Variants in SLC18A1 observed in about 807,000 individuals in gnomAD.
SLC18A1 encodes the protein solute carrier family 18 member A1, also known as chromaffin granule amine transporter.
Under a neutral mutation model 53.7 loss-of-function variants are expected in SLC18A1, and 69 were observed. That is an observed-to-expected ratio of 1.28 (90% CI 1.06 to 1.57). The LOEUF is 1.57. Ranked by LOEUF, SLC18A1 falls within the 40% of genes most tolerant of loss-of-function variation. The probability of loss-of-function intolerance (pLI) is 0.00; values close to 1 mark genes in which losing one functional copy is unlikely to be tolerated. For synonymous variants in SLC18A1, 320 were observed against 248.1 expected, an observed-to-expected ratio of 1.29 and a Z score of -2.72; for missense variants, 932 against 668.1, an observed-to-expected ratio of 1.40 and a Z score of -4.35.
rs747543977 is a variant in SLC18A1 at position 20,145,782 on chromosome 8, T to C, written c.1559A>G (p.Glu520Gly). 7 of 1,609,210 alleles carry C rather than the reference T, an allele frequency of 4.3e-6. No individual in the cohort carries two copies. Among genetic ancestry groups the C allele is most frequent in the Non-Finnish European group, 5.1e-6 (6 of 1,177,598 alleles). The change falls in exon 16 of 16, where the codon GAG becomes GGG. Residue 520 changes from glutamate to glycine, a missense_variant. Physicochemically the swap from Glu to Gly is moderately conservative, Grantham distance 98 (BLOSUM62 -2). Coordinates refer to ENST00000276373, the MANE Select transcript of SLC18A1 (RefSeq NM_003053.4). ...EFPLGEDSDE[E>G]PDHEE is the part of the protein sequence containing the mutation. Reference sequence around the variant, plus strand: ...CTGCTGCTACTCCTCATGGTCAGGCTCCTCATCACTGTCCTCCCCCAGAGG... The same window carrying C: ...CTGCTGCTACTCCTCATGGTCAGGCCCCTCATCACTGTCCTCCCCCAGAGG...
At chr8:20,166,634 A>G (rs1017940849) in intron 8 of SLC18A1, among the ~76,000 whole-genome samples, 10 of 151,802 alleles carry the variant, frequency 6.6e-5, no homozygotes, top group African/African-American at 2.4e-4. Context: ...ACCTTTTGGA[A>G]TAATTTTGAC....
At chr8:20,168,231 G>A (rs1428017880) in intron 8 of SLC18A1, among the ~76,000 whole-genome samples, 1 of 151,930 alleles carries the variant, frequency 6.6e-6, no homozygotes, top group Non-Finnish European at 1.5e-5. Context: ...GCTGGGTGTG[G>A]TGGCATGCCT....
Position 20,179,441 on chromosome 8 carries a change from T to C in SLC18A1, c.168A>G (p.Glu56=). ...GGCCGAGGTGCAGAGAAGAGTTGAC[T>C]TCTTTGAACTCCATGTCATATAGGA... ...PTFLYDMEFK[E]VNSSLHLGHA... The change falls in exon 3 of 16, where the codon GAA becomes GAG. Residue 56 remains glutamate, a synonymous_variant. Transcript: ENST00000276373. 1.2e-6 allele frequency: 2 copies of C among 1,613,766 alleles called. No homozygotes were observed. Among genetic ancestry groups the C allele is most frequent in the Non-Finnish European group, 1.7e-6 (2 of 1,179,964 alleles).
chr8:20,159,211 C>T (rs759300262), intron 10 of SLC18A1, among the ~76,000 whole-genome samples: 17 of 152,168 alleles, frequency 1.1e-4, no homozygotes, highest in Non-Finnish European at 5.9e-5. Flanking sequence ...AACTGCATGA[C>T]CCCTACTATG....
chr8:20,155,273 T>A (rs1263795450), intron 10 of SLC18A1, among the ~76,000 whole-genome samples: 1 of 152,216 alleles, frequency 6.6e-6, no homozygotes, highest in Non-Finnish European at 1.5e-5. Context: ...GGATCACTTT[T>A]GCTTGCTATT....
intron 4 of SLC18A1, among the ~76,000 whole-genome samples, chr8:20,176,537 T>C (rs562633292): frequency 3.4e-4 from 52 of 152,160 alleles, no homozygotes; most frequent in Non-Finnish European, 5.9e-4. Context: ...AAGCAATTAT[T>C]TTTTTCACTT....
intron 8 of SLC18A1, among the ~76,000 whole-genome samples, chr8:20,165,469 G>A (rs930539616): frequency 1.3e-5 from 2 of 152,230 alleles, no homozygotes; most frequent in South Asian, 2.1e-4. Context: ...AGATCTCCCT[G>A]GTACTAATAT....
chr8:20,167,251 A>G (rs2071992052), intron 8 of SLC18A1, among the ~76,000 whole-genome samples: 1 of 152,154 alleles, frequency 6.6e-6, no homozygotes. Context: ...TAGATACAGT[A>G]TTTGGCTATA....
intron 10 of SLC18A1, chr8:20,151,025 G>A: frequency 2.6e-6 from 1 of 388,656 alleles, no homozygotes; most frequent in Non-Finnish European, 4.8e-6. Context: ...AGGCTGGAGT[G>A]CAGTGGTACA....
intron 2 of SLC18A1, among the ~76,000 whole-genome samples, chr8:20,179,953 C>T (rs1411892986): frequency 6.6e-6 from 1 of 152,212 alleles, no homozygotes; most frequent in African/African-American, 2.4e-5. Flanking sequence ...GTCAGAGGAG[C>T]CTCAGCTCTG....
rs748778448 is a variant in SLC18A1 at position 20,179,335 on chromosome 8, C to G, written c.274G>C (p.Val92Leu). Residue 92 changes from valine to leucine, a missense_variant, in exon 3 of 16, where the codon GTT becomes CTT. Val to Leu is a conservative substitution (Grantham distance 32, BLOSUM62 1). Coordinates refer to ENST00000276373, the MANE Select transcript of SLC18A1 (RefSeq NM_003053.4). The stretch of plus-strand genomic sequence containing the variant: ...ATTCCACTAGGTACGCTTTCTTCAA[C>G]AGCCACGGTGTTGTTGTTGAAGAAG... ...FSFFNNNTVA[V>L]EESVPSGIAW... 1.2e-6 allele frequency: 2 copies of G among 1,614,192 alleles called. No homozygotes were observed. Among genetic ancestry groups the G allele is most frequent in the East Asian group, 4.5e-5 (2 of 44,872 alleles).
At chr8:20,168,238 G>T (rs2072020232) in intron 8 of SLC18A1, among the ~76,000 whole-genome samples, 1 of 151,926 alleles carries the variant, frequency 6.6e-6, no homozygotes, top group African/African-American at 2.4e-5. Flanking sequence ...GTGGTGGCAT[G>T]CCTGTGTAGT....
At chr8:20,158,035 G>A (rs1054032920) in intron 10 of SLC18A1, among the ~76,000 whole-genome samples, 3 of 152,202 alleles carry the variant, frequency 2.0e-5, no homozygotes, top group Admixed American at 6.5e-5. Context: ...GGGGACGAAG[G>A]TCCTCTGAGT....
chr8:20,170,424 C>T (rs2072083104), intron 8 of SLC18A1, among the ~76,000 whole-genome samples: 1 of 152,158 alleles, frequency 6.6e-6, no homozygotes, highest in Non-Finnish European at 1.5e-5. Context: ...GTGTTAGTGT[C>T]ATGACTTCCG....
At chr8:20,172,184 G>A (rs1267349096) in intron 6 of SLC18A1, among the ~76,000 whole-genome samples, 1 of 152,230 alleles carries the variant, frequency 6.6e-6, no homozygotes, top group Non-Finnish European at 1.5e-5. Context: ...GGAGCCAGGA[G>A]TGGCTGTTGA....
At position 20,163,977 on chromosome 8, in the gene SLC18A1, C is replaced by G. The variant is rs114928901; in HGVS notation, c.1015+892G>C. On this transcript the variant is annotated intron_variant, in intron 10 of 15. Coordinates refer to ENST00000276373, the MANE Select transcript of SLC18A1 (RefSeq NM_003053.4). ...ATGAATTATCTGCACTGAATACCGA[C>G]TAACTCAATTAATCGTCATGGTCAA... 1.1e-3 allele frequency among the ~76,000 whole-genome samples: 175 copies of G among 152,296 alleles called. 1 individual carries two copies. Among genetic ancestry groups the G allele is most frequent in the African/African-American group, 4.0e-3 (168 of 41,558 alleles).
At chr8:20,153,599 A>C (rs911298961) in intron 10 of SLC18A1, among the ~76,000 whole-genome samples, 6 of 151,718 alleles carry the variant, frequency 4.0e-5, no homozygotes, top group Non-Finnish European at 8.8e-5. Flanking sequence ...AATGGCATGA[A>C]CCTGAGAGGC....
Position 20,180,888 on chromosome 8 carries a change from A to ACC in SLC18A1, c.75_76dup (p.Val26GlyfsTer76). ...GTCCAGGAGCAAAGCGACGAATACC[A>ACC]CCACCAGCACCAGCTGCCGGGACGC... On this transcript the variant is annotated frameshift_variant, in exon 2 of 16. Transcript: ENST00000276373. LOFTEE classifies it high-confidence loss of function. The ACC allele has an allele frequency of 6.2e-7, 1 of 1,613,724 alleles. No homozygotes were observed. Among genetic ancestry groups the ACC allele is most frequent in the Non-Finnish European group, 8.5e-7 (1 of 1,179,832 alleles).
At chr8:20,147,146 G>A in intron 15 of SLC18A1, 112 bp downstream of exon 15, 1 of 1,139,824 alleles carries the variant, frequency 8.8e-7, no homozygotes, top group East Asian at 2.5e-5. Flanking sequence ...AGCAGAGAGA[G>A]TATCAACAGA....
Sources: gnomAD v4.1 joint callset for allele counts (sites outside exome capture counted in the v4.1 genomes callset) on GRCh38, gnomAD v4.1.1 for gene constraint, MANE v1.5 for transcripts, NCBI Gene and HGNC (gene_info 2026-07-23, HGNC 2026-07-21) for gene names.